The following SLC44A1 variants were observed in gnomAD, a reference collection of about 807,000 sequenced individuals.
The protein encoded by SLC44A1 is choline transporter-like protein 1.
A neutral mutation model predicts 79.3 loss-of-function variants in SLC44A1; 26 were observed. The ratio of observed to expected loss-of-function variants is 0.33; its 90% confidence interval spans 0.24 to 0.46. The LOEUF (loss-of-function observed/expected upper bound fraction) is 0.46. Ranked by LOEUF, SLC44A1 falls within the 20% of genes least tolerant of loss-of-function variation. The probability of loss-of-function intolerance (pLI) is 1.00; values close to 1 mark genes in which losing one functional copy is unlikely to be tolerated. For missense variants in SLC44A1, 688 were observed against 798.1 expected (o/e 0.86, Z 1.66); for synonymous variants, 263 against 286.2 (o/e 0.92, Z 0.82).
intron 4 of SLC44A1, among the ~76,000 whole-genome samples, chr9:105,344,130 A>G (rs568582842): frequency 2.0e-5 from 3 of 152,318 alleles, no homozygotes; most frequent in Admixed American, 6.5e-5. Context: ...ACTGTTCTGC[A>G]TTGAGAGACT....
intron 12 of SLC44A1, among the ~76,000 whole-genome samples, chr9:105,367,175 A>G (rs977365696): frequency 2.6e-5 from 4 of 152,058 alleles, no homozygotes; most frequent in African/African-American, 4.8e-5. Flanking sequence ...CTAAAAATCA[A>G]TTCTAATGTA....
Position 105,364,630 on chromosome 9 carries a change from A to C in SLC44A1, c.1163A>C (p.His388Pro). The C allele has an allele frequency of 5.6e-6, 9 of 1,614,128 alleles. No homozygotes were observed. Among genetic ancestry groups the C allele is most frequent in the Non-Finnish European group, 7.6e-6 (9 of 1,179,968 alleles). Reference protein sequence around the residue: ...SGPLQYMWWYHVVGLIWISEF... With the variant: ...SGPLQYMWWYPVVGLIWISEF... ...CCTCTGCAGTACATGTGGTGGTACC[A>C]TGTGGTGGGCCTGATTTGGATCAGT... The change falls in exon 10 of 16, where the codon CAT becomes CCT. Residue 388 changes from histidine to proline, a missense_variant. His to Pro is a moderately conservative substitution (Grantham distance 77, BLOSUM62 -2). Transcript: ENST00000374720.
intron 3 of SLC44A1, among the ~76,000 whole-genome samples, chr9:105,310,445 A>G (rs573769225): frequency 1.8e-3 from 271 of 152,236 alleles, no homozygotes; most frequent in African/African-American, 6.1e-3. Context: ...TTTTGTTTTT[A>G]ATACCTGTAG....
At chr9:105,330,599 C>T (rs1396205759) in intron 3 of SLC44A1, among the ~76,000 whole-genome samples, 6 of 152,144 alleles carry the variant, frequency 3.9e-5, no homozygotes, top group Admixed American at 3.9e-4. Flanking sequence ...TCCTGAGTTT[C>T]AGTGATATAA....
At chr9:105,332,024 T>C (rs1459248006) in intron 3 of SLC44A1, among the ~76,000 whole-genome samples, 1 of 152,132 alleles carries the variant, frequency 6.6e-6, no homozygotes, top group Non-Finnish European at 1.5e-5. Flanking sequence ...AAGGTCAAGG[T>C]CTGTATGTTA....
Position 105,391,877 on chromosome 9 carries a change from G to A in SLC44A1, c.*2821G>A. ...GGTGAATCTTCAAAACTGTATTCAG[G>A]ACTCATATTTCTAGAGTTTTAATTG... On this transcript the variant is annotated 3_prime_UTR_variant, in exon 16 of 16. Coordinates refer to ENST00000374720, the MANE Select transcript of SLC44A1 (RefSeq NM_080546.5). 9 of 985,228 alleles carry A rather than the reference G, an allele frequency of 9.1e-6. No individual in the cohort carries two copies. The highest frequency in any genetic ancestry group is 1.1e-5 in the Non-Finnish European group (9 of 829,886). 61.0% of individuals were successfully genotyped at this position (985,228 alleles called of 1,614,324 possible).
intron 4 of SLC44A1, among the ~76,000 whole-genome samples, chr9:105,346,465 A>G (rs1827250198): frequency 6.6e-6 from 1 of 152,146 alleles, no homozygotes; most frequent in East Asian, 1.9e-4. Context: ...GTTTTGTGCA[A>G]ATCGATTCCA....
At chr9:105,332,592 G>T (rs998164674) in intron 3 of SLC44A1, among the ~76,000 whole-genome samples, 10 of 152,136 alleles carry the variant, frequency 6.6e-5, no homozygotes, top group South Asian at 2.1e-4. Flanking sequence ...TCACAGTGTT[G>T]TAGTCATGGT....
At chr9:105,352,189 C>T (rs1827471086) in intron 5 of SLC44A1, among the ~76,000 whole-genome samples, 1 of 152,174 alleles carries the variant, frequency 6.6e-6, no homozygotes, top group Non-Finnish European at 1.5e-5. Context: ...ACTCGTAATT[C>T]CTGCCTTTAC....
intron 3 of SLC44A1, among the ~76,000 whole-genome samples, chr9:105,319,323 T>C (rs2131328106): frequency 6.6e-6 from 1 of 152,238 alleles, no homozygotes; most frequent in Admixed American, 6.5e-5. Flanking sequence ...TAGAGTAAAA[T>C]CAGCCAACAA....
chr9:105,264,382 G>T (rs894365789), intron 1 of SLC44A1, among the ~76,000 whole-genome samples: 2 of 152,128 alleles, frequency 1.3e-5, no homozygotes, highest in South Asian at 2.1e-4. Context: ...TCCCAGGAGG[G>T]TCTCAAACTC....
chr9:105,311,728 C>G (rs1831185701), intron 3 of SLC44A1, among the ~76,000 whole-genome samples: 1 of 152,104 alleles, frequency 6.6e-6, no homozygotes, highest in Non-Finnish European at 1.5e-5. Context: ...TTTTTGATTT[C>G]TACTTCATCT....
intron 15 of SLC44A1, among the ~76,000 whole-genome samples, chr9:105,413,946 T>G (rs1489400333): frequency 6.6e-6 from 1 of 151,614 alleles, no homozygotes. Flanking sequence ...CAATGACCTT[T>G]AAAGTCTATT....
chr9:105,392,373 C>G lies in SLC44A1; in HGVS notation c.*3317C>G. ...TTAAAGTTATGCTAGAAATGTTTTTCTTTTGTAGAGATGCTCTCTCTCTCT... is the reference window on the plus strand; with the variant it reads ...TTAAAGTTATGCTAGAAATGTTTTTGTTTTGTAGAGATGCTCTCTCTCTCT... On this transcript the variant is annotated 3_prime_UTR_variant, in exon 16 of 16. Coordinates refer to ENST00000374720, the MANE Select transcript of SLC44A1 (RefSeq NM_080546.5). 1.4e-6 allele frequency: 1 copy of G among 695,066 alleles called. No individual in the cohort carries two copies. The highest frequency in any genetic ancestry group is 1.7e-6 in the Non-Finnish European group (1 of 592,160). The allele number at this position is 695,066 out of a possible 1,614,324, so 43.1% of individuals were successfully genotyped here.
intron 12 of SLC44A1, among the ~76,000 whole-genome samples, chr9:105,369,075 A>G (rs1165328264): frequency 6.6e-6 from 1 of 152,212 alleles, no homozygotes; most frequent in East Asian, 1.9e-4. Flanking sequence ...TAAGATTTGC[A>G]ACACACTTGT....
chr9:105,354,148 T>TCA (rs1827544742), intron 5 of SLC44A1, among the ~76,000 whole-genome samples: 1 of 146,946 alleles, frequency 6.8e-6, no homozygotes, highest in East Asian at 2.0e-4. Flanking sequence ...CCTCCCGGGT[T>TCA]CACGCCATTC....
chr9:105,298,698 A>G (rs777927508), intron 1 of SLC44A1, among the ~76,000 whole-genome samples: 4 of 152,232 alleles, frequency 2.6e-5, no homozygotes, highest in Non-Finnish European at 5.9e-5. Flanking sequence ...GAGAACATAT[A>G]TATAAACAGC....
chr9:105,323,238 AAG>A (rs1826456695), intron 3 of SLC44A1, among the ~76,000 whole-genome samples: 2 of 151,504 alleles, frequency 1.3e-5, no homozygotes, highest in Non-Finnish European at 2.9e-5. Context: ...AAAAAAAAGA[AAG>A]AAATTAAATA....
chr9:105,425,004 GTTAAC>G (rs1018125866), intron 15 of SLC44A1, among the ~76,000 whole-genome samples: 6 of 150,950 alleles, frequency 4.0e-5, no homozygotes, highest in Non-Finnish European at 7.4e-5. Flanking sequence ...CTCACATTTT[GTTAAC>G]TTAAATAACC....
Sources: allele counts gnomAD v4.1 joint callset (sites outside exome capture counted in the v4.1 genomes callset), GRCh38; gene constraint gnomAD v4.1.1; transcripts MANE v1.5; gene names NCBI Gene and HGNC (gene_info 2026-07-23, HGNC 2026-07-21).